FSTL5: variants seen among roughly 807,000 people sequenced by gnomAD.
FSTL5 encodes the protein follistatin like 5, also known as follistatin-related protein 5.
FSTL5 carries 62 observed loss-of-function variants against 89.1 expected under a neutral mutation model. The observed-to-expected ratio is 0.70, with a 90% CI of 0.57 to 0.86. The LOEUF is 0.86. Among genes scored for constraint, FSTL5 ranks in the 40% least tolerant of loss-of-function variants. The probability of loss-of-function intolerance (pLI) is 0.00; values close to 1 mark genes in which losing one functional copy is unlikely to be tolerated. For synonymous variants in FSTL5, 383 were observed against 346.2 expected (o/e 1.11, Z -1.18); for missense variants, 1,057 against 1,001.6 (o/e 1.06, Z -0.75).
At chr4:161,631,885 T>C (rs1174528777) in intron 7 of FSTL5, among the ~76,000 whole-genome samples, 1 of 152,182 alleles carries the variant, frequency 6.6e-6, no homozygotes, top group Non-Finnish European at 1.5e-5. Context: ...TTACAAGAAA[T>C]TCTAGTATAG....
chr4:162,145,346 A>G (rs2111495154), intron 1 of FSTL5, among the ~76,000 whole-genome samples: 1 of 152,246 alleles, frequency 6.6e-6, no homozygotes, highest in Non-Finnish European at 1.5e-5. Context: ...ATAGAAATAC[A>G]ATTCTATTTT....
chr4:161,667,384 A>G (rs1736938942), intron 6 of FSTL5, among the ~76,000 whole-genome samples: 1 of 152,116 alleles, frequency 6.6e-6, no homozygotes, highest in African/African-American at 2.4e-5. Flanking sequence ...TTGGGTGGCC[A>G]CTCAAAGTAG....
rs192252494 is a variant in FSTL5 at position 161,472,091 on chromosome 4, C to G, written c.1608+8929G>C. ...TCCCGGGTTCACGCCATTCTCCTGC[C>G]TCAGCCTCCAGAGTAGCTGGGACTA... On this transcript the variant is annotated intron_variant, in intron 13 of 15. Coordinates refer to ENST00000306100, the MANE Select transcript of FSTL5 (RefSeq NM_020116.5). 3.4e-3 allele frequency among the ~76,000 whole-genome samples: 513 copies of G among 152,102 alleles called. 3 individuals are homozygous for G. The highest frequency in any genetic ancestry group is 0.011 in the African/African-American group (464 of 41,476).
rs760257254 is a variant in FSTL5 at position 161,980,975 on chromosome 4, G to T, written c.160+52650C>A. Among the ~76,000 whole-genome samples the T allele has an allele frequency of 6.3e-4, 95 of 151,866 alleles. 1 individual carries two copies. The highest frequency in any genetic ancestry group is 1.9e-4 in the Non-Finnish European group (13 of 67,964). On this transcript the variant is annotated intron_variant, in intron 3 of 15. Coordinates refer to ENST00000306100, the MANE Select transcript of FSTL5 (RefSeq NM_020116.5). Reference sequence around the variant, plus strand: ...GGGGTTTCACATATTGGCCAGGCTGGTCTCAAACTCCTGACCTCAGATGAT... The same window carrying T: ...GGGGTTTCACATATTGGCCAGGCTGTTCTCAAACTCCTGACCTCAGATGAT...
rs1231236765 is a variant in FSTL5, at chr4:161,850,699, A to G, written c.409+69705T>C. Among the ~76,000 whole-genome samples, 6 of 152,306 alleles carry G rather than the reference A, an allele frequency of 3.9e-5. No individual in the cohort carries two copies. In the East Asian group the frequency reaches 1.2e-3, roughly 29 times the overall value. ...GACTTTTCTCTCCATTAACCTGCAGATCTTCAAGGATTAAGTTATAAAAGA... is the reference window on the plus strand; with the variant it reads ...GACTTTTCTCTCCATTAACCTGCAGGTCTTCAAGGATTAAGTTATAAAAGA... On this transcript the variant is annotated intron_variant, in intron 4 of 15. Transcript: ENST00000306100.
chr4:161,739,766 A>T (rs919420510), intron 6 of FSTL5, among the ~76,000 whole-genome samples: 1 of 152,124 alleles, frequency 6.6e-6, no homozygotes, highest in Non-Finnish European at 1.5e-5. Flanking sequence ...TGTAAAAGTT[A>T]TCTCTGTTTC....
intron 3 of FSTL5, among the ~76,000 whole-genome samples, chr4:162,022,430 A>C (rs1374030788): frequency 6.6e-6 from 1 of 152,088 alleles, no homozygotes; most frequent in Non-Finnish European, 1.5e-5. Flanking sequence ...CTTAAAACAC[A>C]ATTTATTAAA....
chr4:162,143,376 G>C (rs1393329294), intron 1 of FSTL5, among the ~76,000 whole-genome samples: 1 of 151,812 alleles, frequency 6.6e-6, no homozygotes, highest in Non-Finnish European at 1.5e-5. Context: ...ATTTAATTAT[G>C]GATGTATGCT....
At chr4:161,689,232 A>G (rs1394050809) in intron 6 of FSTL5, among the ~76,000 whole-genome samples, 1 of 152,184 alleles carries the variant, frequency 6.6e-6, no homozygotes, top group Non-Finnish European at 1.5e-5. Context: ...AATAAACTCT[A>G]TATAGAACAA....
chr4:161,387,602 T>C (rs555755716), intron 15 of FSTL5: 3 of 152,074 alleles, frequency 2.0e-5, no homozygotes, highest in African/African-American at 7.2e-5. Flanking sequence ...GAGTAATATC[T>C]CTTTAAAATT....
In FSTL5 at chr4:161,993,404, GT is replaced by G. The variant is rs1578927681; in HGVS notation, c.160+40220del. Among the ~76,000 whole-genome samples the G allele has an allele frequency of 5.9e-5, 9 of 152,070 alleles. No individual in the cohort carries two copies. The East Asian group carries it at 1.7e-3, about 29-fold the overall frequency. ...ATCATTGAAAAATTAGAATATAATA[GT>G]TTAGTGGAAATTCATATCCTTTTGA... is the stretch of plus-strand genomic sequence containing the variant. On this transcript the variant is annotated intron_variant, in intron 3 of 15. Coordinates refer to ENST00000306100, the MANE Select transcript of FSTL5 (RefSeq NM_020116.5).
intron 6 of FSTL5, among the ~76,000 whole-genome samples, chr4:161,707,525 A>G (rs1048652458): frequency 2.6e-5 from 4 of 151,952 alleles, no homozygotes; most frequent in African/African-American, 9.7e-5. Flanking sequence ...GATGCACTGC[A>G]TATAATACTT....
intron 15 of FSTL5, among the ~76,000 whole-genome samples, chr4:161,435,852 G>T (rs1285527378): frequency 6.6e-6 from 1 of 151,986 alleles, no homozygotes; most frequent in Non-Finnish European, 1.5e-5. Context: ...AATAAATGTA[G>T]CACTTATAAT....
At chr4:161,389,523 A>G (rs1730749928) in intron 15 of FSTL5, among the ~76,000 whole-genome samples, 1 of 152,186 alleles carries the variant, frequency 6.6e-6, no homozygotes, top group African/African-American at 2.4e-5. Context: ...GATTTAAGCT[A>G]AGATCCTGAA....
intron 3 of FSTL5, among the ~76,000 whole-genome samples, chr4:161,997,517 T>C (rs1284531820): frequency 4.6e-5 from 7 of 152,066 alleles, no homozygotes. Context: ...TTCAATTGAA[T>C]ACAAATCAAA....
intron 15 of FSTL5, among the ~76,000 whole-genome samples, chr4:161,402,750 G>A (rs1245370783): frequency 6.6e-6 from 1 of 151,884 alleles, no homozygotes; most frequent in African/African-American, 2.4e-5. Flanking sequence ...TCATAGGCAA[G>A]TGATTTAGCT....
intron 8 of FSTL5, among the ~76,000 whole-genome samples, chr4:161,555,462 GTTTC>G (rs1187483512): frequency 1.3e-5 from 2 of 151,396 alleles, no homozygotes. Context: ...GATGATGCTG[GTTTC>G]TTTTTGACAG....
chr4:161,826,427 T>TG (rs1385145307), intron 4 of FSTL5, among the ~76,000 whole-genome samples: 2 of 152,162 alleles, frequency 1.3e-5, no homozygotes, highest in African/African-American at 4.8e-5. Context: ...CATTGTTTTT[T>TG]TTGTTGTTGT....
At chr4:161,541,861 A>C (rs1386233847) in intron 9 of FSTL5, among the ~76,000 whole-genome samples, 1 of 151,934 alleles carries the variant, frequency 6.6e-6, no homozygotes, top group African/African-American at 2.4e-5. Context: ...AGTATAATTA[A>C]TATATTATAT....
Sources: gnomAD v4.1 joint callset for allele counts (sites outside exome capture counted in the v4.1 genomes callset) on GRCh38, gnomAD v4.1.1 for gene constraint, MANE v1.5 for transcripts, NCBI Gene and HGNC (gene_info 2026-07-23, HGNC 2026-07-21) for gene names.